Variants in KIF2C observed in about 807,000 individuals in gnomAD.
KIF2C encodes kinesin family member 2C, also known as kinesin-like protein KIF2C.
KIF2C carries 34 observed loss-of-function variants against 97.4 expected under a neutral mutation model. The ratio of observed to expected loss-of-function variants is 0.35; its 90% CI spans 0.27 to 0.46. The LOEUF is 0.46. Among genes scored for constraint, KIF2C ranks in the 20% least tolerant of loss-of-function variants. KIF2C has a pLI of 1.00. For synonymous variants in KIF2C, 313 were observed against 318.2 expected (o/e 0.98, Z 0.17); for missense variants, 750 against 907.6 (o/e 0.83, Z 2.23).
At chr1:44,756,544 C>CT (rs67641740) in intron 10 of KIF2C, among the ~76,000 whole-genome samples, 1,471 of 65,148 alleles carry the variant, frequency 0.023, 17 homozygotes, top group Non-Finnish European at 0.025. Flanking sequence ...GCTCTATCTG[C>CT]TTTTTTTTTT....
At chr1:44,746,559 G>T in intron 2 of KIF2C, 1 of 1,349,930 alleles carries the variant, frequency 7.4e-7, no homozygotes, top group Non-Finnish European at 9.5e-7. Flanking sequence ...TTCCTCCTCC[G>T]TGTCAGCCAT....
chr1:44,742,719 A>T (rs1325803624), intron 2 of KIF2C, among the ~76,000 whole-genome samples: 1 of 59,214 alleles, frequency 1.7e-5, no homozygotes, highest in South Asian at 5.2e-4. Context: ...ACTTCGTCTC[A>T]AAAAAAAAAA....
In KIF2C at chr1:44,761,993, C is replaced by G. The variant is rs1408732652; in HGVS notation, c.1751+10C>G. On this transcript the variant is annotated intron_variant, in intron 17 of 20. Coordinates refer to ENST00000372224, the MANE Select transcript of KIF2C (RefSeq NM_006845.4). ...TGAGATATGCAGACAGGTACTAGTA[C>G]CTACAGCTAGGTGGGATGCGGAACA... 1 of 1,611,782 alleles carries G rather than the reference C, an allele frequency of 6.2e-7. No individual in the cohort carries two copies. Among genetic ancestry groups the G allele is most frequent in the East Asian group, 2.2e-5 (1 of 44,888 alleles).
At chr1:44,764,697 C>T (rs1650357149) in intron 19 of KIF2C, among the ~76,000 whole-genome samples, 1 of 149,764 alleles carries the variant, frequency 6.7e-6, no homozygotes, top group Admixed American at 6.7e-5. Flanking sequence ...TTAGTAGAGA[C>T]GGGATTTCTC....
chr1:44,748,425 A>G (rs1046223994), intron 4 of KIF2C, among the ~76,000 whole-genome samples: 1 of 152,054 alleles, frequency 6.6e-6, no homozygotes, highest in African/African-American at 2.4e-5. Context: ...CTTGGGCCTG[A>G]CTATTGTGGT....
At chr1:44,758,893 T>G (rs1649990660) in intron 13 of KIF2C, 3 of 243,776 alleles carry the variant, frequency 1.2e-5, no homozygotes, top group African/African-American at 2.2e-5. Flanking sequence ...ATAATAATAA[T>G]AAGATATTAG....
intron 11 of KIF2C, 40 bp from the exon 12 acceptor site, chr1:44,757,868 A>G (rs1426993644): frequency 3.1e-6 from 5 of 1,601,400 alleles, no homozygotes; most frequent in Non-Finnish European, 4.3e-6. Flanking sequence ...CTCTAGGCCA[A>G]CAGCCCTTTT....
In KIF2C at chr1:44,755,919, C is replaced by T. The variant is rs762831008; in HGVS notation, c.760-10C>T. 26 of 1,613,346 alleles carry T rather than the reference C, an allele frequency of 1.6e-5. No homozygotes were observed. Among genetic ancestry groups the T allele is most frequent in the Non-Finnish European group, 2.1e-5 (25 of 1,179,882 alleles). ...TTTGCTGTTGGTTGCCTCCTCTCAT[C>T]CGCTTGCAGATCGAAGAGCACAGAA... On this transcript the variant is annotated splice_polypyrimidine_tract_variant and intron_variant, in intron 8 of 20. Transcript: ENST00000372224.
chr1:44,747,585 G>A (rs1199835270), intron 3 of KIF2C, 67 bp from the exon 4 acceptor site: 4 of 1,578,474 alleles, frequency 2.5e-6, no homozygotes, highest in East Asian at 4.5e-5. Flanking sequence ...CATAGTACAT[G>A]GGCCCAGGAT....
intron 2 of KIF2C, 47 bp downstream of exon 2, chr1:44,741,054 T>G (rs774578977): frequency 1.4e-5 from 20 of 1,422,164 alleles, no homozygotes; most frequent in Non-Finnish European, 1.9e-5. Context: ...TCTTCCTACA[T>G]AAAGGATCTG....
chr1:44,742,921 G>A (rs958961468), intron 2 of KIF2C, among the ~76,000 whole-genome samples: 42 of 152,302 alleles, frequency 2.8e-4, no homozygotes, highest in African/African-American at 9.9e-4. Context: ...TGGCACAGAT[G>A]AGCATTGCTA....
chr1:44,755,621 G>A (rs1456006270), intron 8 of KIF2C, among the ~76,000 whole-genome samples: 2 of 152,224 alleles, frequency 1.3e-5, no homozygotes, highest in Non-Finnish European at 2.9e-5. Context: ...ACATGGGGAG[G>A]GGTCTGATCT....
chr1:44,757,451 T>G, intron 10 of KIF2C, 105 bp from the exon 11 acceptor site: 1 of 760,662 alleles, frequency 1.3e-6, no homozygotes, highest in Non-Finnish European at 2.3e-6. Context: ...AGTGCTATTC[T>G]TAGAAGGAGG....
chr1:44,754,983 C>T, intron 8 of KIF2C, 138 bp downstream of exon 8: 2 of 598,568 alleles, frequency 3.3e-6, no homozygotes, highest in Non-Finnish European at 2.9e-6. Flanking sequence ...GAGATGGGGT[C>T]TCACTCTGTC....
intron 2 of KIF2C, among the ~76,000 whole-genome samples, chr1:44,745,189 CAA>C (rs77081893): frequency 8.5e-5 from 10 of 117,786 alleles, no homozygotes; most frequent in Admixed American, 1.7e-4. Flanking sequence ...AACTCCATCT[CAA>C]AAAAAAAAAA....
rs1311706372 is a variant in KIF2C, at chr1:44,757,966, T to C, written c.1127T>C (p.Met376Thr). 2 of 1,614,102 alleles carry C rather than the reference T, an allele frequency of 1.2e-6. No individual in the cohort carries two copies. Among genetic ancestry groups the C allele is most frequent in the African/African-American group, 2.7e-5 (2 of 74,938 alleles). The change falls in exon 12 of 21, where the codon ATG becomes ACG. Residue 376 changes from methionine (M) to threonine (T), a missense_variant. Physicochemically the swap from Met to Thr is moderately conservative, Grantham distance 81. Coordinates refer to ENST00000372224, the MANE Select transcript of KIF2C (RefSeq NM_006845.4). ...AATGCATCCAAAGGGATCTATGCCA[T>C]GGCCTGTAAGTACTGTGTACTGCTG... The part of the protein sequence containing the change: ...AQNASKGIYA[M>T]ASRDVFLLKN...
chr1:44,760,632 C>T lies in KIF2C; in HGVS notation c.1613C>T (p.Pro538Leu), dbSNP rs1650092287. 4 of 1,614,066 alleles carry T rather than the reference C, an allele frequency of 2.5e-6. No individual in the cohort carries two copies. The highest frequency in any genetic ancestry group is 3.4e-6 in the Non-Finnish European group (4 of 1,180,026). The change falls in exon 16 of 21, where the codon CCG (proline) becomes CTG (leucine). Residue 538 changes from proline to leucine, a missense_variant. Transcript: ENST00000372224. This position sits in a 1 kb window ranked among gnomAD's most constrained non-coding sequence, Gnocchi z 4.2. ...CTGGGACAGAACAAGGCTCACACCCCGTTCCGTGAGAGCAAGCTGACACAG... is the reference window on the plus strand; with the variant it reads ...CTGGGACAGAACAAGGCTCACACCCTGTTCCGTGAGAGCAAGCTGACACAG... ...RALGQNKAHT[P>L]FRESKLTQVL...
Position 44,740,909 on chromosome 1 carries a change from A to G in KIF2C, c.71-4A>G, listed in dbSNP as rs1172474259. On this transcript the variant is annotated splice_polypyrimidine_tract_variant and splice_region_variant and intron_variant, in intron 1 of 20. Coordinates refer to ENST00000372224, the MANE Select transcript of KIF2C (RefSeq NM_006845.4). ...GGTAACTCTGGTTTTTTCATACTTT[A>G]TAGGTTTAATTCACAGTGCCAATGT... 6.9e-6 allele frequency: 11 copies of G among 1,604,494 alleles called. No homozygotes were observed. In the East Asian group the frequency reaches 2.0e-4, roughly 29 times the overall value.
chr1:44,751,476 G>A (rs974982296), intron 5 of KIF2C, among the ~76,000 whole-genome samples: 15 of 149,168 alleles, frequency 1.0e-4, no homozygotes, highest in African/African-American at 3.0e-4. Context: ...GATTACAGGC[G>A]TGAGCCACCT....
Sources: gnomAD v4.1 joint callset for allele counts (sites outside exome capture counted in the v4.1 genomes callset) on GRCh38, gnomAD v4.1.1 for gene constraint, Gnocchi (gnomAD v3.1) non-coding constraint, MANE v1.5 for transcripts, NCBI Gene and HGNC (gene_info 2026-07-23, HGNC 2026-07-21) for gene names.